Variants in RELL1 observed in about 807,000 individuals in gnomAD.
RELL1 encodes RELT-like protein 1.
RELL1 carries 10 observed loss-of-function variants against 23.0 expected under a neutral mutation model. That is an observed-to-expected ratio of 0.43 (90% confidence interval 0.27 to 0.74). The LOEUF is 0.74. RELL1 is among the 30% of genes least tolerant of loss of function. The pLI is 0.19. For missense variants in RELL1, 315 were observed against 364.4 expected (o/e 0.86, Z 1.10); for synonymous variants, 146 against 146.8 (o/e 0.99, Z 0.04).
At position 37,649,580 on chromosome 4, in the gene RELL1, A is replaced by G. The variant is rs1428719119; in HGVS notation, c.89-80T>C. 3.0e-6 allele frequency: 4 copies of G among 1,320,252 alleles called. No individual in the cohort carries two copies. The East Asian group carries it at 9.2e-5, about 30-fold the overall frequency. The allele number at this position is 1,320,252 out of a possible 1,614,324, so 81.8% of individuals were successfully genotyped here. ...CTAATGACTCTCAGGTAATGTTCAC[A>G]GTAAGTCAGGGTCTGCTCCCGAAAC... On this transcript the variant is annotated intron_variant, in intron 1 of 6. Coordinates refer to ENST00000454158, the MANE Select transcript of RELL1 (RefSeq NM_001085400.2).
At chr4:37,664,103 C>T (rs532967073) in intron 1 of RELL1, among the ~76,000 whole-genome samples, 56 of 152,210 alleles carry the variant, frequency 3.7e-4, no homozygotes, top group African/African-American at 1.3e-3. Context: ...ATCGACCGGG[C>T]GCAGTGGCTC....
chr4:37,651,245 CAGG>C (rs1720927269), intron 1 of RELL1, among the ~76,000 whole-genome samples: 1 of 152,026 alleles, frequency 6.6e-6, no homozygotes, highest in African/African-American at 2.4e-5. Context: ...CACTTGAGGC[CAGG>C]AGTTCAGGAA....
At chr4:37,673,353 C>A (rs1280191061) in intron 1 of RELL1, among the ~76,000 whole-genome samples, 2 of 151,872 alleles carry the variant, frequency 1.3e-5, no homozygotes, top group East Asian at 3.9e-4. Context: ...CCATGCCCAG[C>A]TAATTTTTGT....
At chr4:37,589,836 C>G (rs1432652946), downstream of RELL1, among the ~76,000 whole-genome samples, 1 of 152,108 alleles carries the variant, frequency 6.6e-6, no homozygotes, top group African/African-American at 2.4e-5. Context: ...TTCACCATGT[C>G]GGTCAGGCTG....
intron 1 of RELL1, among the ~76,000 whole-genome samples, chr4:37,678,170 G>C (rs112308424): frequency 0.036 from 5,491 of 152,140 alleles, 135 homozygotes; most frequent in Middle Eastern, 0.11. Context: ...GAGAGAGTTG[G>C]GGGGGAGGTA....
chr4:37,659,941 C>A (rs958981613), intron 1 of RELL1, among the ~76,000 whole-genome samples: 1 of 152,118 alleles, frequency 6.6e-6, no homozygotes, highest in South Asian at 2.1e-4. Context: ...GGAAAGGGTG[C>A]GCATTCTCAG....
At chr4:37,643,807 A>G (rs1006083035) in intron 3 of RELL1, among the ~76,000 whole-genome samples, 1 of 152,228 alleles carries the variant, frequency 6.6e-6, no homozygotes, top group African/African-American at 2.4e-5. Flanking sequence ...TAAGAGATCA[A>G]GGCTGCATCT....
At chr4:37,670,212 T>TG (rs1359289384) in intron 1 of RELL1, among the ~76,000 whole-genome samples, 2 of 150,488 alleles carry the variant, frequency 1.3e-5, no homozygotes, top group Non-Finnish European at 3.0e-5. Context: ...AATCGATAGT[T>TG]TTTTTTTTTA....
chr4:37,654,845 A>C (rs1721069565), intron 1 of RELL1, among the ~76,000 whole-genome samples: 1 of 152,248 alleles, frequency 6.6e-6, no homozygotes, highest in South Asian at 2.1e-4. Flanking sequence ...CCTTACATGC[A>C]ATATGATCCA....
chr4:37,627,033 CG>C (rs1719977075), intron 6 of RELL1, among the ~76,000 whole-genome samples: 1 of 152,024 alleles, frequency 6.6e-6, no homozygotes, highest in African/African-American at 2.4e-5. Context: ...GTTCTCACCA[CG>C]CAAAAAAATT....
chr4:37,622,591 C>T lies in RELL1; in HGVS notation c.*3+8794G>A, dbSNP rs535777268. On this transcript the variant is annotated intron_variant, in intron 6 of 6. Coordinates refer to ENST00000454158, the MANE Select transcript of RELL1 (RefSeq NM_001085400.2). ...AGCTATAAGGAAGCCCAGGTCCTGG[C>T]TCCGTAATGAACTCTCGGCATGATC... 1.1e-4 allele frequency among the ~76,000 whole-genome samples: 17 copies of T among 152,260 alleles called. 3 individuals carry two copies. The highest frequency in any genetic ancestry group is 4.1e-4 in the African/African-American group (17 of 41,542).
At chr4:37,626,905 A>C (rs1464703864) in intron 6 of RELL1, among the ~76,000 whole-genome samples, 1 of 152,174 alleles carries the variant, frequency 6.6e-6, no homozygotes, top group East Asian at 1.9e-4. Flanking sequence ...GTCAAAAGAC[A>C]CAAAATTTTA....
rs771732108 is a variant in RELL1, at chr4:37,686,307, C to A, written c.-20G>T. On this transcript the variant is annotated 5_prime_UTR_variant, in exon 1 of 7. Transcript: ENST00000454158. ...AGCCATCGCCGCGTCGCTTCGCCCT[C>A]CTCCCCCAGGGCGCCGCGTCCCGCG... 4 of 1,488,514 alleles carry A rather than the reference C, an allele frequency of 2.7e-6. No homozygotes were observed. In the East Asian group the frequency reaches 1.1e-4, roughly 42 times the overall value. 92.2% of individuals were successfully genotyped at this position (1,488,514 alleles called of 1,614,324 possible).
intron 1 of RELL1, among the ~76,000 whole-genome samples, chr4:37,663,141 C>G (rs1721413577): frequency 6.6e-6 from 1 of 152,100 alleles, no homozygotes; most frequent in Admixed American, 6.5e-5. Context: ...GGGAGGGCTC[C>G]CTGCTGACTC....
chr4:37,605,842 A>AGAAAGAAAGAAAGAAG (rs1560324772), downstream of RELL1, among the ~76,000 whole-genome samples: 1 of 117,472 alleles, frequency 8.5e-6, no homozygotes, highest in African/African-American at 2.7e-5. Context: ...AAAGAAAGAA[A>AGAAAGAAAGAAAGAAG]GAAGGAAAAG....
At chr4:37,664,394 A>C (rs541492322) in intron 1 of RELL1, among the ~76,000 whole-genome samples, 136 of 151,996 alleles carry the variant, frequency 8.9e-4, no homozygotes, top group African/African-American at 3.1e-3. Context: ...AAAATCACTC[A>C]TGTATAACTA....
chr4:37,638,506 T>C lies in RELL1; in HGVS notation c.386-2A>G. The C allele has an allele frequency of 6.2e-7, 1 of 1,607,374 alleles. No individual in the cohort carries two copies. Among genetic ancestry groups the C allele is most frequent in the South Asian group, 1.1e-5 (1 of 90,358 alleles). ...TCGCCTTTAAGACATCAGCATTCGC[T>C]AAGGAATAAAAATAAAATTAAAGAA... On this transcript the variant is annotated splice_acceptor_variant, in intron 3 of 6. Coordinates refer to ENST00000454158, the MANE Select transcript of RELL1 (RefSeq NM_001085400.2). LOFTEE classifies it high-confidence loss of function.
chr4:37,647,106 A>G (rs1186897709), intron 3 of RELL1, among the ~76,000 whole-genome samples: 1 of 152,194 alleles, frequency 6.6e-6, no homozygotes, highest in Non-Finnish European at 1.5e-5. Flanking sequence ...CAAATTGCAC[A>G]CAACCAGTAA....
rs186159506 is a variant in RELL1, at chr4:37,643,190, G to A, written c.385+4178C>T. ...AGAACTGTATTAAATTGCAGGGTTCGGGGATTTGGAGAACTGCAAAGTATG... is the reference window on the plus strand; with the variant it reads ...AGAACTGTATTAAATTGCAGGGTTCAGGGATTTGGAGAACTGCAAAGTATG... On this transcript the variant is annotated intron_variant, in intron 3 of 6. Coordinates refer to ENST00000454158, the MANE Select transcript of RELL1 (RefSeq NM_001085400.2). Among the ~76,000 whole-genome samples, 1,170 of 152,290 alleles carry A rather than the reference G, an allele frequency of 7.7e-3. 10 individuals carry two copies. The highest frequency in any genetic ancestry group is 0.012 in the Non-Finnish European group (824 of 68,020).
Sources: gnomAD v4.1 joint callset for allele counts (sites outside exome capture counted in the v4.1 genomes callset) on GRCh38, gnomAD v4.1.1 for gene constraint, MANE v1.5 for transcripts, NCBI Gene and HGNC (gene_info 2026-07-23, HGNC 2026-07-21) for gene names.